The following PARN variants were observed in gnomAD, a reference collection of about 807,000 sequenced individuals.
PARN encodes the protein poly(A)-specific ribonuclease PARN.
Under a neutral mutation model 102.8 loss-of-function variants are expected in PARN, and 71 were observed. That is an observed-to-expected ratio of 0.69 (90% CI 0.57 to 0.84). PARN has a LOEUF of 0.84. Among genes scored for constraint, PARN ranks in the 40% least tolerant of loss-of-function variants. The pLI, the probability that PARN is intolerant of heterozygous loss-of-function variation, is 0.00. For missense variants in PARN, 782 were observed against 760.9 expected (o/e 1.03, Z -0.33); for synonymous variants, 261 against 252.9 (o/e 1.03, Z -0.30).
intron 22 of PARN, among the ~76,000 whole-genome samples, chr16:14,480,937 C>CAAAA (rs1312780355): frequency 1.3e-4 from 17 of 133,330 alleles, no homozygotes; most frequent in African/African-American, 4.2e-4. Context: ...AGACCTGCCT[C>CAAAA]AAAAAATAAA....
intron 21 of PARN, among the ~76,000 whole-genome samples, chr16:14,484,818 G>C (rs1963570001): frequency 6.6e-6 from 1 of 151,724 alleles, no homozygotes. Flanking sequence ...GAACAAAACA[G>C]GAAAAAACTC....
chr16:14,441,331 T>G (rs1217828720), intron 23 of PARN, among the ~76,000 whole-genome samples: 1 of 152,014 alleles, frequency 6.6e-6, no homozygotes, highest in African/African-American at 2.4e-5. Context: ...ACACAAAAGG[T>G]GAATATTTCT....
intron 13 of PARN, among the ~76,000 whole-genome samples, chr16:14,587,890 T>C (rs915443612): frequency 1.3e-5 from 2 of 152,270 alleles, no homozygotes; most frequent in Non-Finnish European, 2.9e-5. Flanking sequence ...GTTCATTAAC[T>C]GCTTACATAC....
At chr16:14,505,204 C>T (rs1964825937) in intron 21 of PARN, among the ~76,000 whole-genome samples, 1 of 152,304 alleles carries the variant, frequency 6.6e-6, no homozygotes, top group South Asian at 2.1e-4. Context: ...AACCTCATTC[C>T]TAATAAATTA....
At position 14,567,302 on chromosome 16, in the gene PARN, T is replaced by C. The variant is rs117876080; in HGVS notation, c.1263-11593A>G. Among the ~76,000 whole-genome samples the C allele has an allele frequency of 4.3e-4, 66 of 152,336 alleles. 1 individual carries two copies. The East Asian group carries it at 0.013, about 29-fold the overall frequency. On this transcript the variant is annotated intron_variant, in intron 18 of 23. Coordinates refer to ENST00000437198, the MANE Select transcript of PARN (RefSeq NM_002582.4). The stretch of plus-strand genomic sequence containing the variant: ...ATCTGGGAGGCTGGCTTGAAGCATC[T>C]GCAGTGCTAAAATTTCACTCCTCCA...
chr16:14,582,110 C>G (rs886156123), intron 17 of PARN, 71 bp downstream of exon 17: 70 of 911,740 alleles, frequency 7.7e-5, no homozygotes, highest in Admixed American at 1.4e-4. Context: ...ATTACAGCAG[C>G]CTAAGCCAGG....
chr16:14,614,731 C>T (rs181862653), intron 6 of PARN, among the ~76,000 whole-genome samples: 2,298 of 151,264 alleles, frequency 0.015, 33 homozygotes, highest in South Asian at 0.046. Flanking sequence ...GCCTGTAATC[C>T]CAGCTACTTG....
intron 21 of PARN, among the ~76,000 whole-genome samples, chr16:14,492,074 G>C (rs753731070): frequency 1.2e-4 from 19 of 152,358 alleles, no homozygotes; most frequent in Non-Finnish European, 2.5e-4. Context: ...TTGGGAGCCA[G>C]AGCTTGGGAT....
chr16:14,558,429 C>G (rs1328963776), intron 18 of PARN: 1 of 151,720 alleles, frequency 6.6e-6, no homozygotes, highest in East Asian at 1.9e-4. Flanking sequence ...ACCCAGGAGG[C>G]AGAAGTTGCA....
At chr16:14,505,276 T>C (rs1158778924) in intron 21 of PARN, among the ~76,000 whole-genome samples, 1 of 152,194 alleles carries the variant, frequency 6.6e-6, no homozygotes, top group Non-Finnish European at 1.5e-5. Context: ...AACTGACAGA[T>C]ATACTATGGA....
At chr16:14,443,925 G>A (rs142939676) in intron 23 of PARN, among the ~76,000 whole-genome samples, 433 of 152,194 alleles carry the variant, frequency 2.8e-3, no homozygotes, top group Non-Finnish European at 5.4e-3. Flanking sequence ...ACTTTGTCGC[G>A]CCGTGCCTAG....
In PARN at chr16:14,593,362, C is replaced by A; in HGVS notation, c.857G>T (p.Gly286Val). 1 of 1,599,050 alleles carries A rather than the reference C, an allele frequency of 6.3e-7. No homozygotes were observed. The change falls in exon 13 of 24, where the codon GGA (glycine) becomes GTA (valine). Residue 286 changes from glycine (G) to valine (V), a missense_variant. Physicochemically the swap from Gly to Val is moderately radical, Grantham distance 109. Transcript: ENST00000437198. ...CATGACGTCCAAGAGCATATTGTGT[C>A]CAATAACAAGTTTTCCCTAAAGAAA... Reference protein sequence around the residue: ...AIANSGKLVIGHNMLLDVMHT... With the variant: ...AIANSGKLVIVHNMLLDVMHT...
At chr16:14,458,156 T>C (rs1596449281) in intron 22 of PARN, among the ~76,000 whole-genome samples, 2 of 152,290 alleles carry the variant, frequency 1.3e-5, no homozygotes, top group South Asian at 4.1e-4. Context: ...ACAGAAAAGA[T>C]TGATGCAAAC....
intron 5 of PARN, among the ~76,000 whole-genome samples, chr16:14,626,824 A>G (rs1337056583): frequency 6.6e-6 from 1 of 151,750 alleles, no homozygotes; most frequent in Non-Finnish European, 1.5e-5. Context: ...TCACCATGTT[A>G]GCCAGGATGG....
intron 21 of PARN, among the ~76,000 whole-genome samples, chr16:14,518,108 T>G (rs899849613): frequency 4.0e-5 from 6 of 151,400 alleles, no homozygotes; most frequent in Non-Finnish European, 7.4e-5. Flanking sequence ...GAACAAAAAT[T>G]TAATTTGCTC....
At chr16:14,440,418 T>C (rs1370804088) in intron 23 of PARN, among the ~76,000 whole-genome samples, 1 of 152,182 alleles carries the variant, frequency 6.6e-6, no homozygotes, top group Non-Finnish European at 1.5e-5. Flanking sequence ...TCCAAAATGG[T>C]GACGCCACTT....
chr16:14,572,410 ATC>A, intron 18 of PARN, among the ~76,000 whole-genome samples: 1 of 152,108 alleles, frequency 6.6e-6, no homozygotes, highest in East Asian at 1.9e-4. Context: ...TCAGTTTAAA[ATC>A]TCTCTGATGT....
At position 14,457,921 on chromosome 16, in the gene PARN, T is replaced by G. The variant is rs55835403; in HGVS notation, c.1671-10840A>C. 1.0e-2 allele frequency among the ~76,000 whole-genome samples: 1,364 copies of G among 136,816 alleles called. 16 individuals carry two copies. Among genetic ancestry groups the G allele is most frequent in the Non-Finnish European group, 0.015 (995 of 64,364 alleles). 89.8% of individuals were successfully genotyped at this position (136,816 alleles called of 152,430 possible). A position where few individuals can be genotyped will look rare whatever the true frequency, so the allele number is the denominator to read the frequency against. On this transcript the variant is annotated intron_variant, in intron 22 of 23. Transcript: ENST00000437198. ...TGGAATAGGGGTGTGTGTGTGGGGG[T>G]GTGTGTGTGGGTGTGTGTGTGTGTG... is the stretch of plus-strand genomic sequence containing the variant.
At chr16:14,589,596 T>C (rs1239647720) in intron 13 of PARN, among the ~76,000 whole-genome samples, 1 of 147,228 alleles carries the variant, frequency 6.8e-6, no homozygotes. Flanking sequence ...CCGGGCATAA[T>C]GGCTCATGCC....
Sources: gnomAD v4.1 joint callset for allele counts (sites outside exome capture counted in the v4.1 genomes callset) on GRCh38, gnomAD v4.1.1 for gene constraint, MANE v1.5 for transcripts, NCBI Gene and HGNC (gene_info 2026-07-23, HGNC 2026-07-21) for gene names.